CLEC6A: variants seen among roughly 807,000 people sequenced by gnomAD.
CLEC6A encodes C-type lectin domain family 6 member A.
Under a neutral mutation model 25.7 loss-of-function variants are expected in CLEC6A, and 22 were observed. The ratio of observed to expected loss-of-function variants is 0.85; its 90% CI spans 0.61 to 1.22. The LOEUF (loss-of-function observed/expected upper bound fraction) is 1.22, where lower values mean the gene tolerates loss of function less well. Ranked by LOEUF, CLEC6A falls within the 50% of genes most tolerant of loss-of-function variation. The probability of loss-of-function intolerance (pLI) is 0.00; values close to 1 mark genes in which losing one functional copy is unlikely to be tolerated. For synonymous variants in CLEC6A, 92 were observed against 76.7 expected, an observed-to-expected ratio of 1.20 and a Z score of -1.04; for missense variants, 240 against 236.8, an observed-to-expected ratio of 1.01 and a Z score of -0.09.
chr12:8,460,406 G>A (rs1939736696), intron 3 of CLEC6A, among the ~76,000 whole-genome samples: 1 of 152,176 alleles, frequency 6.6e-6, no homozygotes, highest in Non-Finnish European at 1.5e-5. Context: ...CAGATCTTGT[G>A]AGACTTATTC....
intron 5 of CLEC6A, among the ~76,000 whole-genome samples, chr12:8,477,024 G>A (rs964610603): frequency 6.6e-6 from 1 of 152,086 alleles, no homozygotes; most frequent in African/African-American, 2.4e-5. Context: ...CAGTAAGAAG[G>A]AAATTATTTA....
Position 8,478,289 on chromosome 12 carries a change from T to C in CLEC6A, c.*825T>C, listed in dbSNP as rs1940006145. ...TTTAAATGGCAATGATAATGACAGT[T>C]TATTTTTATGTTATATAAAAACCTC... On this transcript the variant is annotated 3_prime_UTR_variant, in exon 6 of 6. Coordinates refer to ENST00000382073, the MANE Select transcript of CLEC6A (RefSeq NM_001007033.2). 6.6e-6 allele frequency: 1 copy of C among 152,008 alleles called. No homozygotes were observed. The highest frequency in any genetic ancestry group is 2.4e-5 in the African/African-American group (1 of 41,442). 9.4% of individuals were successfully genotyped at this position (152,008 alleles called of 1,614,324 possible). A position where few individuals can be genotyped will look rare whatever the true frequency, so the allele number is the denominator to read the frequency against.
At chr12:8,466,136 A>T (rs1411366767) in intron 4 of CLEC6A, among the ~76,000 whole-genome samples, 1 of 152,234 alleles carries the variant, frequency 6.6e-6, no homozygotes. Flanking sequence ...TTTAAGGTGT[A>T]CACTGTGATG....
Position 8,477,507 on chromosome 12 carries a change from T to C in CLEC6A, c.*43T>C, listed in dbSNP as rs1334958747. The C allele has an allele frequency of 3.3e-6, 5 of 1,500,146 alleles. No individual in the cohort carries two copies. Among genetic ancestry groups the C allele is most frequent in the Non-Finnish European group, 4.5e-6 (5 of 1,110,748 alleles). 92.9% of individuals were successfully genotyped at this position (1,500,146 alleles called of 1,614,324 possible). A position where few individuals can be genotyped will look rare whatever the true frequency, so the allele number is the denominator to read the frequency against. ...AAGAAGAGAAGAATTACTGACGTAATTTTTTCCCTGACGTCTTTAAAATTG... is the reference window on the plus strand; with the variant it reads ...AAGAAGAGAAGAATTACTGACGTAACTTTTTCCCTGACGTCTTTAAAATTG... On this transcript the variant is annotated 3_prime_UTR_variant, in exon 6 of 6. Transcript: ENST00000382073.
chr12:8,456,599 C>T (rs1212181331), intron 1 of CLEC6A, among the ~76,000 whole-genome samples: 1 of 152,000 alleles, frequency 6.6e-6, no homozygotes, highest in Non-Finnish European at 1.5e-5. Flanking sequence ...CTTTGCATGT[C>T]CATCAATAAT....
chr12:8,469,397 G>C (rs1939875928), intron 4 of CLEC6A, among the ~76,000 whole-genome samples: 1 of 151,200 alleles, frequency 6.6e-6, no homozygotes, highest in East Asian at 1.9e-4. Context: ...TTCCATAAAA[G>C]TACCACCATC....
chr12:8,463,708 T>G (rs1486841786), intron 3 of CLEC6A, among the ~76,000 whole-genome samples: 1 of 152,240 alleles, frequency 6.6e-6, no homozygotes, highest in Non-Finnish European at 1.5e-5. Context: ...GTTATTTGCT[T>G]TCTCAAAGGT....
intron 4 of CLEC6A, among the ~76,000 whole-genome samples, chr12:8,465,951 A>G (rs1311468804): frequency 6.6e-6 from 1 of 152,236 alleles, no homozygotes; most frequent in African/African-American, 2.4e-5. Flanking sequence ...CATTTAGTAT[A>G]ATATCCACAA....
chr12:8,466,222 G>A (rs754866061), intron 4 of CLEC6A, among the ~76,000 whole-genome samples: 4 of 152,182 alleles, frequency 2.6e-5, no homozygotes, highest in East Asian at 3.9e-4. Context: ...CATATATTTA[G>A]CCTTCTTTTT....
Position 8,459,667 on chromosome 12 carries a change from C to T in CLEC6A, c.192C>T (p.Leu64=), listed in dbSNP as rs770212139. The T allele has an allele frequency of 6.2e-7, 1 of 1,613,136 alleles. No homozygotes were observed. Among genetic ancestry groups the T allele is most frequent in the Non-Finnish European group, 8.5e-7 (1 of 1,179,100 alleles). The change falls in exon 3 of 6, where the codon CTC becomes CTT. Residue 64 remains leucine (L), a synonymous_variant. Coordinates refer to ENST00000382073, the MANE Select transcript of CLEC6A (RefSeq NM_001007033.2). ...LSELHSYHSS[L]TCFSEGTKVP... is the part of the protein sequence containing the mutation. The stretch of plus-strand genomic sequence containing the variant: ...AACTACACTCATATCATTCAAGTCT[C>T]ACCTGCTTCAGTGAAGGGACAAAGG...
rs766645796 is a variant in CLEC6A at position 8,466,695 on chromosome 12, G to A, written c.369+1066G>A. Among the ~76,000 whole-genome samples the A allele has an allele frequency of 1.2e-4, 18 of 150,014 alleles. No homozygotes were observed. In the South Asian group the frequency reaches 1.9e-3, roughly 16 times the overall value. The stretch of plus-strand genomic sequence containing the variant: ...TTTTGAGACAGAGTGTCGCTCTGTT[G>A]CCCAGGCTGGAGTGCAGTGGCGCAA... On this transcript the variant is annotated intron_variant, in intron 4 of 5. Coordinates refer to ENST00000382073, the MANE Select transcript of CLEC6A (RefSeq NM_001007033.2).
chr12:8,458,707 A>G (rs1273171408), intron 2 of CLEC6A, among the ~76,000 whole-genome samples: 1 of 152,232 alleles, frequency 6.6e-6, no homozygotes, highest in East Asian at 1.9e-4. Flanking sequence ...CACCAAAGTT[A>G]GAATCTGTTT....
chr12:8,465,899 G>A lies in CLEC6A; in HGVS notation c.369+270G>A, dbSNP rs776300133. Among the ~76,000 whole-genome samples the A allele has an allele frequency of 1.2e-4, 18 of 152,232 alleles. No homozygotes were observed. The South Asian group carries it at 1.4e-3, about 12-fold the overall frequency. ...TGACTATTTTAAATACTTAATATAA[G>A]TGAAATTATATAGTATTTGTCATTT... On this transcript the variant is annotated intron_variant, in intron 4 of 5. Transcript: ENST00000382073.
chr12:8,458,494 T>C (rs747274053), intron 2 of CLEC6A, among the ~76,000 whole-genome samples: 11 of 152,272 alleles, frequency 7.2e-5, no homozygotes, highest in Non-Finnish European at 1.6e-4. Flanking sequence ...ATGTCTCAAG[T>C]TCATTGTGTG....
intron 3 of CLEC6A, 67 bp downstream of exon 3, chr12:8,459,765 A>G (rs1939729227): frequency 3.1e-6 from 3 of 980,904 alleles, no homozygotes; most frequent in Non-Finnish European, 4.9e-6. Context: ...TGAGCTCAAG[A>G]TTGGTGTATT....
At chr12:8,459,307 C>T (rs1308725154) in intron 2 of CLEC6A, among the ~76,000 whole-genome samples, 2 of 151,646 alleles carry the variant, frequency 1.3e-5, no homozygotes, top group African/African-American at 2.4e-5. Flanking sequence ...TGTTTTGATA[C>T]CTTTAAGTTG....
rs148981317 is a variant in CLEC6A at position 8,460,709 on chromosome 12, G to T, written c.223+1011G>T. The T allele has an allele frequency of 1.9e-3, 2,842 of 1,482,310 alleles. 44 individuals are homozygous for T. The African/African-American group carries it at 0.033, about 17-fold the overall frequency. The allele number at this position is 1,482,310 out of a possible 1,614,324, so 91.8% of individuals were successfully genotyped here. A position where few individuals can be genotyped will look rare whatever the true frequency, so the allele number is the denominator to read the frequency against. ...CTGAGGGTCCGCTGCTGGCAGTACC[G>T]CCAGCTCTCTGCTCTCCACAGGGCT... On this transcript the variant is annotated intron_variant, in intron 3 of 5. Coordinates refer to ENST00000382073, the MANE Select transcript of CLEC6A (RefSeq NM_001007033.2).
intron 3 of CLEC6A, chr12:8,460,977 C>A: frequency 9.4e-7 from 1 of 1,060,666 alleles, no homozygotes; most frequent in Non-Finnish European, 1.5e-6. Context: ...ATTCTTACTG[C>A]GTTGGTGAAG....
chr12:8,465,506 T>C lies in CLEC6A; in HGVS notation c.246T>C (p.Ser82=). 1.2e-6 allele frequency: 2 copies of C among 1,614,136 alleles called. No individual in the cohort carries two copies. Among genetic ancestry groups the C allele is most frequent in the Non-Finnish European group, 1.7e-6 (2 of 1,179,998 alleles). ...TAGCCTGGGGATGTTGCCCAGCTTC[T>C]TGGAAGTCATTTGGTTCCAGTTGCT... ...KVPAWGCCPA[S]WKSFGSSCYF... The change falls in exon 4 of 6, where the codon TCT becomes TCC. Residue 82 remains serine (S), a synonymous_variant. Coordinates refer to ENST00000382073, the MANE Select transcript of CLEC6A (RefSeq NM_001007033.2).
Sources: gnomAD v4.1 joint callset for allele counts (sites outside exome capture counted in the v4.1 genomes callset) on GRCh38, gnomAD v4.1.1 for gene constraint, MANE v1.5 for transcripts, NCBI Gene and HGNC (gene_info 2026-07-23, HGNC 2026-07-21) for gene names.